The following FLNB variants were observed in gnomAD, a reference collection of about 807,000 sequenced individuals.
FLNB encodes the protein filamin-B.
A neutral mutation model predicts 250.6 loss-of-function variants in FLNB; 111 were observed. The observed-to-expected ratio is 0.44, with a 90% CI of 0.38 to 0.52. The LOEUF is 0.52. FLNB is among the 20% of genes least tolerant of loss of function. The pLI, the probability that FLNB is intolerant of heterozygous loss-of-function variation, is 0.00. For synonymous variants in FLNB, 1,302 were observed against 1,372.1 expected, an observed-to-expected ratio of 0.95 and a Z score of 1.13; for missense variants, 2,869 against 3,447.8, an observed-to-expected ratio of 0.83 and a Z score of 4.20.
In FLNB at chr3:58,154,850, G is replaced by A; in HGVS notation, c.6694G>A (p.Gly2232Ser). Residue 2232 changes from glycine (G) to serine (S), a missense_variant, in exon 40 of 46, where the codon GGC (glycine) becomes AGC (serine). Transcript: ENST00000295956. ...GAGGLSIAVE[G>S]PSKAEITFDD... The stretch of plus-strand genomic sequence containing the variant: ...TGGAGGCCTCTCCATCGCTGTTGAG[G>A]GCCCCAGTAAGGCCGAGATTACATT... 1 of 1,614,034 alleles carries A rather than the reference G, an allele frequency of 6.2e-7. No homozygotes were observed. Among genetic ancestry groups the A allele is most frequent in the East Asian group, 2.2e-5 (1 of 44,872 alleles).
chr3:58,025,131 TTC>T (rs1400025493), intron 1 of FLNB, among the ~76,000 whole-genome samples: 12 of 54,624 alleles, frequency 2.2e-4, no homozygotes, highest in South Asian at 1.1e-3. Context: ...CTTTCTTTCT[TTC>T]TTTTTTTTTT....
intron 1 of FLNB, among the ~76,000 whole-genome samples, chr3:58,037,261 C>T (rs932830894): frequency 2.6e-5 from 4 of 152,034 alleles, no homozygotes; most frequent in Admixed American, 6.6e-5. Flanking sequence ...GACGGGGTTT[C>T]GCCATGTTGG....
intron 39 of FLNB, 54 bp downstream of exon 39, chr3:58,153,695 A>T (rs1051398015): frequency 6.2e-7 from 1 of 1,601,066 alleles, no homozygotes; most frequent in Middle Eastern, 1.7e-4. Flanking sequence ...GAGCCCAGGC[A>T]GTGTGGGCAC....
chr3:58,071,381 C>A (rs1292698794), intron 1 of FLNB, among the ~76,000 whole-genome samples: 1 of 148,738 alleles, frequency 6.7e-6, no homozygotes, highest in African/African-American at 2.5e-5. Context: ...CAGGTTCAAG[C>A]GATTCTTGTG....
Position 58,143,574 on chromosome 3 carries a change from C to A in FLNB, c.5386C>A (p.His1796Asn). Residue 1796 changes from histidine (H) to asparagine (N), a missense_variant, in exon 32 of 46, where the codon CAT becomes AAT. His to Asn is a moderately conservative substitution (Grantham distance 68). This residue lies in a region of FLNB where 1,084 missense variants were observed against 1,315.5 expected (regional missense o/e 0.82). Coordinates refer to ENST00000295956, the MANE Select transcript of FLNB (RefSeq NM_001457.4). ...VRYAPTEVGL[H>N]EMHIKYMGSH... ...ATATGCCCCCACTGAGGTCGGGCTC[C>A]ATGAGATGCACATCAAATACATGGG... The A allele has an allele frequency of 6.2e-7, 1 of 1,614,180 alleles. No individual in the cohort carries two copies. The highest frequency in any genetic ancestry group is 8.5e-7 in the Non-Finnish European group (1 of 1,180,046).
At chr3:58,058,694 CT>C (rs1003824863) in intron 1 of FLNB, among the ~76,000 whole-genome samples, 1 of 152,210 alleles carries the variant, frequency 6.6e-6, no homozygotes, top group Admixed American at 6.5e-5. Context: ...TGTCCTTTAT[CT>C]GCAAAACTTC....
At chr3:58,050,963 T>A (rs1009854146) in intron 1 of FLNB, among the ~76,000 whole-genome samples, 3 of 152,260 alleles carry the variant, frequency 2.0e-5, no homozygotes, top group Non-Finnish European at 2.9e-5. Context: ...GTAGCTGATA[T>A]TGCCTGGGCA....
rs13321615 is a variant in FLNB, at chr3:58,123,135, A to C, written c.3169A>C (p.Lys1057Gln). Reference protein sequence around the residue: ...GPGLEGGLVGKPAEFTIDTKG... With the variant: ...GPGLEGGLVGQPAEFTIDTKG... ...CGGCCTCGAAGGTGGTCTCGTGGGC[A>C]AGCCTGCCGAGTTCACCATCGATAC... Residue 1057 changes from lysine (K) to glutamine (Q), a missense_variant, in exon 21 of 46, where the codon AAG becomes CAG. Coordinates refer to ENST00000295956, the MANE Select transcript of FLNB (RefSeq NM_001457.4). 2.2e-4 allele frequency: 359 copies of C among 1,614,184 alleles called. 2 individuals carry two copies. In the African/African-American group the frequency reaches 4.4e-3, roughly 20 times the overall value.
At chr3:58,051,965 C>T (rs1382384495) in intron 1 of FLNB, among the ~76,000 whole-genome samples, 1 of 152,152 alleles carries the variant, frequency 6.6e-6, no homozygotes, top group Non-Finnish European at 1.5e-5. Flanking sequence ...CGGCTCACTG[C>T]AACCTCTGCC....
In FLNB at chr3:58,142,631, C is replaced by A. The variant is rs777101554; in HGVS notation, c.5182-19C>A. The A allele has an allele frequency of 1.3e-5, 20 of 1,599,974 alleles. No homozygotes were observed. The South Asian group carries it at 2.2e-4, about 18-fold the overall frequency. ...GCTGTTGTCTGCTTTACCCAGTGAC[C>A]ACTGCCTTCTGTTTTTAGGTGACCG... On this transcript the variant is annotated intron_variant, in intron 30 of 45. Transcript: ENST00000295956. This position sits in a 1 kb window ranked among gnomAD's most constrained non-coding sequence, Gnocchi z 4.3.
At chr3:58,035,052 G>T (rs1413982600) in intron 1 of FLNB, among the ~76,000 whole-genome samples, 2 of 152,208 alleles carry the variant, frequency 1.3e-5, no homozygotes, top group African/African-American at 4.8e-5. Context: ...CATTGCAGAG[G>T]ATTGGTGGAG....
rs762100251 is a variant in FLNB, at chr3:58,149,886, G to A, written c.6128G>A (p.Ser2043Asn). Residue 2043 changes from serine (S) to asparagine (N), a missense_variant, in exon 37 of 46, where the codon AGC becomes AAC. Coordinates refer to ENST00000295956, the MANE Select transcript of FLNB (RefSeq NM_001457.4). The stretch of plus-strand genomic sequence containing the variant: ...ATATCCTTGGCGGTGGAAGGCCCCA[G>A]CAAAGTGGACATCCAGACGGAGGAC... The part of the protein sequence containing the change: ...GGISLAVEGP[S>N]KVDIQTEDLE... 1.2e-6 allele frequency: 2 copies of A among 1,614,250 alleles called. No homozygotes were observed. The highest frequency in any genetic ancestry group is 4.5e-5 in the East Asian group (2 of 44,882).
chr3:58,043,898 A>C (rs1474945254), intron 1 of FLNB, among the ~76,000 whole-genome samples: 1 of 152,182 alleles, frequency 6.6e-6, no homozygotes, highest in African/African-American at 2.4e-5. Context: ...TCACAGACTT[A>C]AGTGTAATCC....
intron 4 of FLNB, among the ~76,000 whole-genome samples, chr3:58,085,764 C>A (rs1374233004): frequency 1.3e-5 from 2 of 152,182 alleles, no homozygotes; most frequent in East Asian, 3.9e-4. Context: ...ACCCTTCTAT[C>A]TGAGTAATCA....
At chr3:58,091,186 C>A (rs2097226634) in intron 4 of FLNB, among the ~76,000 whole-genome samples, 1 of 151,934 alleles carries the variant, frequency 6.6e-6, no homozygotes, top group Non-Finnish European at 1.5e-5. Context: ...TTGCAGATAG[C>A]AAGATTATTA....
intron 18 of FLNB, among the ~76,000 whole-genome samples, chr3:58,115,758 G>T (rs1057137611): frequency 6.7e-6 from 1 of 149,382 alleles, no homozygotes; most frequent in African/African-American, 2.5e-5. Flanking sequence ...CCACCAAGTG[G>T]CAACATCCAA....
intron 1 of FLNB, among the ~76,000 whole-genome samples, chr3:58,049,804 T>C (rs955036158): frequency 5.3e-5 from 8 of 152,162 alleles, no homozygotes; most frequent in Middle Eastern, 3.4e-3. Context: ...TCCCCTTAAA[T>C]TGGGGAGGAG....
chr3:58,068,038 G>A (rs879879744), intron 1 of FLNB, among the ~76,000 whole-genome samples: 5 of 152,218 alleles, frequency 3.3e-5, no homozygotes, highest in Non-Finnish European at 7.3e-5. Flanking sequence ...AGGTGACTGC[G>A]CTGTCTGGGC....
Position 58,136,050 on chromosome 3 carries a change from C to T in FLNB, c.4743C>T (p.Ile1581=). 1 of 1,614,198 alleles carries T rather than the reference C, an allele frequency of 6.2e-7. No homozygotes were observed. Among genetic ancestry groups the T allele is most frequent in the Non-Finnish European group, 8.5e-7 (1 of 1,180,024 alleles). ...ATGGCACGTATGCTGTCACCTACAT[C>T]CCCGACAAGACTGGGCGCTATATGA... ...NKDGTYAVTY[I]PDKTGRYMIG... The change falls in exon 28 of 46, where the codon ATC becomes ATT. Residue 1581 remains isoleucine (I), a synonymous_variant. Coordinates refer to ENST00000295956, the MANE Select transcript of FLNB (RefSeq NM_001457.4).
Sources: allele counts gnomAD v4.1 joint callset (sites outside exome capture counted in the v4.1 genomes callset), GRCh38; gene constraint gnomAD v4.1.1; regional missense constraint gnomAD v4.1.1; non-coding constraint Gnocchi (gnomAD v3.1); transcripts MANE v1.5; gene names NCBI Gene and HGNC (gene_info 2026-07-23, HGNC 2026-07-21).